DOK6: variants seen among roughly 807,000 people sequenced by gnomAD.
DOK6 encodes downstream of tyrosine kinase 6.
A neutral mutation model predicts 44.0 loss-of-function variants in DOK6; 22 were observed. That is an observed-to-expected ratio of 0.50 (90% CI 0.36 to 0.71). The LOEUF (loss-of-function observed/expected upper bound fraction) is 0.71, where lower values mean the gene tolerates loss of function less well. Among genes scored for constraint, DOK6 ranks in the 30% least tolerant of loss-of-function variants. The pLI, the probability that DOK6 is intolerant of heterozygous loss-of-function variation, is 0.00. For missense variants in DOK6, 340 were observed against 416.4 expected (o/e 0.82, Z 1.60); for synonymous variants, 166 against 145.5 (o/e 1.14, Z -1.01).
chr18:69,455,056 T>G (rs1004553393), intron 1 of DOK6, among the ~76,000 whole-genome samples: 40 of 128,902 alleles, frequency 3.1e-4, no homozygotes, highest in Non-Finnish European at 5.8e-4. Context: ...ACTTAAAGTA[T>G]AATAAAAAAA....
At chr18:69,742,818 A>C (rs1458084859) in intron 6 of DOK6, among the ~76,000 whole-genome samples, 1 of 152,224 alleles carries the variant, frequency 6.6e-6, no homozygotes, top group Admixed American at 6.5e-5. Context: ...ACCTCAATGT[A>C]TGTATGGGTA....
intron 3 of DOK6, among the ~76,000 whole-genome samples, chr18:69,603,903 GTTA>G (rs1422564543): frequency 6.6e-6 from 1 of 151,410 alleles, no homozygotes; most frequent in Non-Finnish European, 1.5e-5. Flanking sequence ...TGGATATTAA[GTTA>G]TTATACGATT....
intron 2 of DOK6, among the ~76,000 whole-genome samples, chr18:69,594,589 C>CAAA (rs10629064): frequency 7.7e-6 from 1 of 129,158 alleles, no homozygotes; most frequent in African/African-American, 3.1e-5. Flanking sequence ...AGCAAACAGG[C>CAAA]AAAAAAAAAA....
rs1981905136 is a variant in DOK6, at chr18:69,831,650, G to A, written c.857-9594G>A. ...CCCATTTCTCAAATGTGCTGAATAT[G>A]AGCCTGGACACCCCCAACAAATCTA... On this transcript the variant is annotated intron_variant, in intron 7 of 7. Transcript: ENST00000382713. 2.0e-5 allele frequency among the ~76,000 whole-genome samples: 3 copies of A among 152,102 alleles called. No individual in the cohort carries two copies. In the South Asian group the frequency reaches 6.2e-4, roughly 32 times the overall value.
chr18:69,419,109 G>A (rs1443460002), intron 1 of DOK6, among the ~76,000 whole-genome samples: 2 of 152,082 alleles, frequency 1.3e-5, no homozygotes, highest in African/African-American at 4.8e-5. Flanking sequence ...AAAACAAACA[G>A]CAGTGCAAAA....
At chr18:69,409,262 CT>C (rs1490927151) in intron 1 of DOK6, among the ~76,000 whole-genome samples, 3 of 152,172 alleles carry the variant, frequency 2.0e-5, no homozygotes, top group African/African-American at 7.2e-5. Flanking sequence ...AACCTCTTTC[CT>C]TTATAAATTA....
chr18:69,699,672 T>C (rs1986467913), intron 5 of DOK6, among the ~76,000 whole-genome samples: 2 of 152,194 alleles, frequency 1.3e-5, no homozygotes, highest in Admixed American at 6.5e-5. Flanking sequence ...CACATTCCGA[T>C]AGCCATTGGG....
intron 7 of DOK6, 63 bp downstream of exon 7, chr18:69,757,936 T>C: frequency 7.2e-7 from 1 of 1,392,140 alleles, no homozygotes. Context: ...GACTGAGTCA[T>C]GCAAATTGCT....
At chr18:69,632,240 C>A (rs1984706108) in intron 3 of DOK6, among the ~76,000 whole-genome samples, 1 of 152,122 alleles carries the variant, frequency 6.6e-6, no homozygotes, top group Admixed American at 6.6e-5. Flanking sequence ...GAGCCTTTGA[C>A]AGTGGGAAAT....
intron 7 of DOK6, among the ~76,000 whole-genome samples, chr18:69,793,014 AATAG>A (rs1259368303): frequency 2.0e-5 from 3 of 152,196 alleles, no homozygotes; most frequent in Non-Finnish European, 4.4e-5. Context: ...TCTTCTAAGA[AATAG>A]ATAAATATCC....
intron 3 of DOK6, among the ~76,000 whole-genome samples, chr18:69,641,217 A>G (rs1011227343): frequency 2.0e-5 from 3 of 151,664 alleles, no homozygotes; most frequent in African/African-American, 7.3e-5. Flanking sequence ...CCGTCTCAAA[A>G]AAAAAGAAAA....
At chr18:69,557,524 C>T (rs1982718031) in intron 1 of DOK6, among the ~76,000 whole-genome samples, 3 of 152,102 alleles carry the variant, frequency 2.0e-5, no homozygotes. Context: ...AAATGGTTTT[C>T]ATCAGATGGA....
intron 6 of DOK6, among the ~76,000 whole-genome samples, chr18:69,753,921 T>C (rs1979268900): frequency 6.6e-6 from 1 of 152,154 alleles, no homozygotes; most frequent in South Asian, 2.1e-4. Context: ...TCTTGTTTAA[T>C]TTCTTAAAAT....
intron 3 of DOK6, among the ~76,000 whole-genome samples, chr18:69,620,954 G>C (rs1162459509): frequency 6.6e-6 from 1 of 152,128 alleles, no homozygotes; most frequent in Non-Finnish European, 1.5e-5. Context: ...TCTTAGCCTA[G>C]TGCATTTTTG....
At chr18:69,772,603 C>T (rs1979921146) in intron 7 of DOK6, among the ~76,000 whole-genome samples, 1 of 152,004 alleles carries the variant, frequency 6.6e-6, no homozygotes, top group African/African-American at 2.4e-5. Context: ...GCCAAAAATA[C>T]ACAATGGGGA....
At chr18:69,817,559 C>T (rs1981437104) in intron 7 of DOK6, among the ~76,000 whole-genome samples, 1 of 152,118 alleles carries the variant, frequency 6.6e-6, no homozygotes. Context: ...TTGTGTGTGT[C>T]ATGGAGAGAG....
At chr18:69,687,849 T>G (rs991640008) in intron 4 of DOK6, among the ~76,000 whole-genome samples, 1 of 152,132 alleles carries the variant, frequency 6.6e-6, no homozygotes, top group African/African-American at 2.4e-5. Flanking sequence ...ATCAAACTTT[T>G]TACTGAAAGT....
At chr18:69,427,103 A>G (rs1978660259) in intron 1 of DOK6, among the ~76,000 whole-genome samples, 2 of 152,000 alleles carry the variant, frequency 1.3e-5, no homozygotes, top group Non-Finnish European at 2.9e-5. Context: ...GTATTTGGTT[A>G]TATGTTCCTG....
intron 5 of DOK6, among the ~76,000 whole-genome samples, chr18:69,722,338 G>A (rs977066029): frequency 6.6e-6 from 1 of 152,268 alleles, no homozygotes; most frequent in South Asian, 2.1e-4. Flanking sequence ...TCATTAGTGT[G>A]GGGGACATCC....
Sources: gnomAD v4.1 joint callset for allele counts (sites outside exome capture counted in the v4.1 genomes callset) on GRCh38, gnomAD v4.1.1 for gene constraint, MANE v1.5 for transcripts, NCBI Gene and HGNC (gene_info 2026-07-23, HGNC 2026-07-21) for gene names.